MBNL1: variants seen among roughly 807,000 people sequenced by gnomAD.
MBNL1 encodes the protein muscleblind like splicing regulator 1.
A neutral mutation model predicts 42.2 loss-of-function variants in MBNL1; 8 were observed. That is an observed-to-expected ratio of 0.19 (90% CI 0.11 to 0.34). The LOEUF (loss-of-function observed/expected upper bound fraction) is 0.34. Among genes scored for constraint, MBNL1 ranks in the 10% least tolerant of loss-of-function variants. The probability of loss-of-function intolerance (pLI) is 1.00; values close to 1 mark genes in which losing one functional copy is unlikely to be tolerated. For synonymous variants in MBNL1, 169 were observed against 173.9 expected (o/e 0.97, Z 0.22); for missense variants, 309 against 495.3 (o/e 0.62, Z 3.57).
intron 1 of MBNL1, among the ~76,000 whole-genome samples, chr3:152,295,425 A>G (rs1202461214): frequency 1.3e-5 from 2 of 152,220 alleles, no homozygotes; most frequent in Admixed American, 1.3e-4. Context: ...TCTGGATGCC[A>G]TAGATCATGA....
chr3:152,319,136 G>A (rs922087630), intron 2 of MBNL1, among the ~76,000 whole-genome samples: 7 of 152,102 alleles, frequency 4.6e-5, no homozygotes, highest in African/African-American at 1.4e-4. Context: ...AAAACTTCAG[G>A]TGTTAGATTT....
chr3:152,366,308 T>G (rs537276664), intron 2 of MBNL1, among the ~76,000 whole-genome samples: 150 of 152,238 alleles, frequency 9.9e-4, no homozygotes, highest in African/African-American at 3.5e-3. Context: ...TTTCAGGACA[T>G]AATTCTTTGA....
At chr3:152,363,471 G>C (rs2096138708) in intron 2 of MBNL1, among the ~76,000 whole-genome samples, 1 of 152,150 alleles carries the variant, frequency 6.6e-6, no homozygotes, top group African/African-American at 2.4e-5. Flanking sequence ...GCAGTTCATG[G>C]AAGACCAAGT....
chr3:152,434,622 C>T (rs1206967466), intron 4 of MBNL1, among the ~76,000 whole-genome samples: 1 of 152,190 alleles, frequency 6.6e-6, no homozygotes, highest in Non-Finnish European at 1.5e-5. Flanking sequence ...GAGGAATTGC[C>T]ACACTGTGTT....
At chr3:152,378,194 A>G (rs1192878974) in intron 2 of MBNL1, among the ~76,000 whole-genome samples, 2 of 152,078 alleles carry the variant, frequency 1.3e-5, no homozygotes, top group African/African-American at 2.4e-5. Flanking sequence ...CAAAACAAAA[A>G]AACAATTCAC....
intron 2 of MBNL1, among the ~76,000 whole-genome samples, chr3:152,373,968 ATCTT>A (rs1269186170): frequency 6.6e-6 from 1 of 152,208 alleles, no homozygotes; most frequent in African/African-American, 2.4e-5. Context: ...TGTTGCTTCT[ATCTT>A]CTCACTTTTT....
At chr3:152,384,930 C>G (rs1365201023) in intron 2 of MBNL1, among the ~76,000 whole-genome samples, 1 of 152,058 alleles carries the variant, frequency 6.6e-6, no homozygotes, top group Non-Finnish European at 1.5e-5. Flanking sequence ...GGAAATGTTC[C>G]CGTAAAGCTT....
At chr3:152,286,607 G>A (rs2052450520) in intron 1 of MBNL1, among the ~76,000 whole-genome samples, 1 of 140,544 alleles carries the variant, frequency 7.1e-6, no homozygotes, top group Non-Finnish European at 1.5e-5. Flanking sequence ...AGGTTGAATA[G>A]GTTCCTTGTT....
At chr3:152,375,748 G>A (rs1241031835) in intron 2 of MBNL1, among the ~76,000 whole-genome samples, 3 of 152,014 alleles carry the variant, frequency 2.0e-5, no homozygotes, top group African/African-American at 7.3e-5. Context: ...AAGCCCTGGA[G>A]GTTGAGGCTG....
chr3:152,368,085 C>T (rs1245101128), intron 2 of MBNL1, among the ~76,000 whole-genome samples: 1 of 152,026 alleles, frequency 6.6e-6, no homozygotes, highest in African/African-American at 2.4e-5. Context: ...AGTCTTTGCC[C>T]ATGCGTATGT....
At chr3:152,333,727 C>T (rs1320069943) in intron 2 of MBNL1, among the ~76,000 whole-genome samples, 1 of 152,132 alleles carries the variant, frequency 6.6e-6, no homozygotes, top group Non-Finnish European at 1.5e-5. Context: ...TTTCAGGGCA[C>T]ACAATGTTAC....
At chr3:152,424,729 T>C (rs1046660833) in intron 3 of MBNL1, among the ~76,000 whole-genome samples, 2 of 152,062 alleles carry the variant, frequency 1.3e-5, no homozygotes, top group South Asian at 2.1e-4. Context: ...AAAACAGATA[T>C]ATAGACCATT....
intron 1 of MBNL1, among the ~76,000 whole-genome samples, chr3:152,275,439 A>G (rs2044417290): frequency 6.6e-6 from 1 of 152,132 alleles, no homozygotes; most frequent in African/African-American, 2.4e-5. Context: ...GGCTGTGTGC[A>G]GTGGCTCACA....
rs145689351 is a variant in MBNL1 at position 152,411,006 on chromosome 3, C to T, written c.175-3935C>T. ...AATATTTATTGGCTGCCTATTACGA[C>T]AGGTGCCATTTGTGAGGATGGCCTG... On this transcript the variant is annotated intron_variant, in intron 2 of 9. Transcript: ENST00000324210. Among the ~76,000 whole-genome samples the T allele has an allele frequency of 5.9e-5, 9 of 152,308 alleles. No individual in the cohort carries two copies. The East Asian group carries it at 1.7e-3, about 29-fold the overall frequency.
chr3:152,249,991 T>G (rs1576774645), intron 2 of MBNL1, among the ~76,000 whole-genome samples: 1 of 148,754 alleles, frequency 6.7e-6, no homozygotes, highest in East Asian at 2.0e-4. Context: ...TCTGTTTTGG[T>G]ACCAGTACCA....
chr3:152,442,499 T>C (rs1466693578), intron 4 of MBNL1, among the ~76,000 whole-genome samples: 7 of 152,208 alleles, frequency 4.6e-5, no homozygotes, highest in Non-Finnish European at 1.0e-4. Flanking sequence ...AATTTTATAT[T>C]CTGTTTCAAA....
intron 2 of MBNL1, among the ~76,000 whole-genome samples, chr3:152,369,125 C>T (rs975289420): frequency 6.6e-6 from 1 of 152,114 alleles, no homozygotes; most frequent in Non-Finnish European, 1.5e-5. Flanking sequence ...TTTGCCCACT[C>T]AGTATGATAT....
intron 2 of MBNL1, among the ~76,000 whole-genome samples, chr3:152,395,961 G>A (rs1460378731): frequency 6.6e-6 from 1 of 152,172 alleles, no homozygotes; most frequent in African/African-American, 2.4e-5. Flanking sequence ...CTGATGAGTG[G>A]ATGAAGCTTC....
chr3:152,358,744 A>C (rs956656995), intron 2 of MBNL1, among the ~76,000 whole-genome samples: 1 of 151,986 alleles, frequency 6.6e-6, no homozygotes, highest in African/African-American at 2.4e-5. Flanking sequence ...TACAAAGGAA[A>C]TGTTGTGGAC....
Sources: gnomAD v4.1 joint callset for allele counts (sites outside exome capture counted in the v4.1 genomes callset) on GRCh38, gnomAD v4.1.1 for gene constraint, MANE v1.5 for transcripts, NCBI Gene and HGNC (gene_info 2026-07-23, HGNC 2026-07-21) for gene names.